ERICH1: variants seen among roughly 807,000 people sequenced by gnomAD.
ERICH1 encodes glutamate-rich protein 1.
ERICH1 carries 56 observed loss-of-function variants against 39.6 expected under a neutral mutation model. The ratio of observed to expected loss-of-function variants is 1.41; its 90% CI spans 1.14 to 1.77. The LOEUF is 1.77. Among genes scored for constraint, ERICH1 ranks in the 40% most tolerant of loss-of-function variants. The pLI, the probability that ERICH1 is intolerant of heterozygous loss-of-function variation, is 0.00. For missense variants in ERICH1, 826 were observed against 575.4 expected (o/e 1.44, Z -4.45); for synonymous variants, 313 against 223.6 (o/e 1.40, Z -3.57).
At position 688,310 on chromosome 8, in the gene ERICH1, C is replaced by CCCGGCCCCTCCGCCGCCCCGCCCCGCT; in HGVS notation, c.304+4167_304+4168insAGCGGGGCGGGGCGGCGGAGGGGCCGG. Among the ~76,000 whole-genome samples, 16 of 78,436 alleles carry CCCGGCCCCTCCGCCGCCCCGCCCCGCT rather than the reference C, an allele frequency of 2.0e-4. 1 individual carries two copies. Among genetic ancestry groups the CCCGGCCCCTCCGCCGCCCCGCCCCGCT allele is most frequent in the South Asian group, 9.7e-4 (2 of 2,066 alleles). The allele number at this position is 78,436 out of a possible 152,430, so 51.5% of individuals were successfully genotyped here. Reference sequence around the variant, plus strand: ...CGCCCCGGCCCTTCCGCCGCCCCGCCCCGGGCCACCCCACCTCGGCGCCAT... The same window carrying CCCGGCCCCTCCGCCGCCCCGCCCCGCT: ...CGCCCCGGCCCTTCCGCCGCCCCGCCCCGGCCCCTCCGCCGCCCCGCCCCGCTCCGGGCCACCCCACCTCGGCGCCAT... On this transcript the variant is annotated intron_variant, in intron 3 of 5. Transcript: ENST00000262109.
chr8:635,800 G>A (rs1293803204), intron 3 of ERICH1, among the ~76,000 whole-genome samples: 1 of 152,098 alleles, frequency 6.6e-6, no homozygotes, highest in Non-Finnish European at 1.5e-5. Context: ...TGGTCCACAT[G>A]CGTGCTGCAC....
intron 3 of ERICH1, among the ~76,000 whole-genome samples, chr8:631,225 T>C (rs189137076): frequency 4.9e-4 from 75 of 152,372 alleles, no homozygotes; most frequent in Admixed American, 1.8e-3. Flanking sequence ...TCCTCTGCTG[T>C]GTTTAATGCC....
intron 3 of ERICH1, among the ~76,000 whole-genome samples, chr8:629,670 G>T (rs866437286): frequency 8.8e-5 from 8 of 91,360 alleles, no homozygotes; most frequent in African/African-American, 2.5e-4. Context: ...ACCACCCACA[G>T]AGACAGAGCT....
chr8:643,729 G>T (rs1799279830), intron 3 of ERICH1, among the ~76,000 whole-genome samples: 1 of 152,256 alleles, frequency 6.6e-6, no homozygotes, highest in African/African-American at 2.4e-5. Flanking sequence ...GTGGGATGTG[G>T]CGTCAGGCAT....
At chr8:636,870 T>C (rs1046716308) in intron 3 of ERICH1, among the ~76,000 whole-genome samples, 16 of 152,224 alleles carry the variant, frequency 1.1e-4, no homozygotes, top group African/African-American at 3.9e-4. Context: ...AGTCACCTTC[T>C]GAGCATTTCC....
intron 2 of ERICH1, among the ~76,000 whole-genome samples, chr8:693,892 G>A (rs773220647): frequency 2.0e-5 from 3 of 152,216 alleles, no homozygotes; most frequent in Non-Finnish European, 2.9e-5. Context: ...TAGGGGGCAG[G>A]TGCTTTTGCC....
downstream of ERICH1, among the ~76,000 whole-genome samples, chr8:661,591 A>G (rs1328292114): frequency 6.6e-6 from 1 of 152,240 alleles, no homozygotes; most frequent in South Asian, 2.1e-4. Flanking sequence ...ATTTTGCACT[A>G]TTGTAGAAGA....
At chr8:621,320 AC>A (rs1797268820) in intron 3 of ERICH1, among the ~76,000 whole-genome samples, 1 of 152,098 alleles carries the variant, frequency 6.6e-6, no homozygotes, top group Admixed American at 6.5e-5. Context: ...TAAAAAAGAC[AC>A]TCTCAAATCA....
intron 2 of ERICH1, among the ~76,000 whole-genome samples, chr8:708,711 T>TTTTTTTTTTTG (rs1585554466): frequency 7.4e-6 from 1 of 135,258 alleles, no homozygotes; most frequent in Non-Finnish European, 1.6e-5. Flanking sequence ...TTTTTTTTTT[T>TTTTTTTTTTTG]GAGACAGGGT....
chr8:674,127 C>G (rs1366530939), intron 3 of ERICH1, 80 bp from the exon 4 acceptor site: 1 of 1,441,784 alleles, frequency 6.9e-7, no homozygotes, highest in Non-Finnish European at 9.1e-7. Flanking sequence ...AATTTTCCAT[C>G]AGGATCTTGT....
At chr8:642,607 G>A (rs964106109) in intron 3 of ERICH1, among the ~76,000 whole-genome samples, 4 of 151,964 alleles carry the variant, frequency 2.6e-5, no homozygotes, top group African/African-American at 9.7e-5. Context: ...GCCTCCCAAA[G>A]TGGAAATTTT....
At chr8:697,151 G>A (rs1402576396) in intron 2 of ERICH1, among the ~76,000 whole-genome samples, 1 of 152,136 alleles carries the variant, frequency 6.6e-6, no homozygotes, top group African/African-American at 2.4e-5. Flanking sequence ...CTCTGTCTTT[G>A]AAATGAATCC....
At chr8:719,949 C>T (rs190183257) in intron 1 of ERICH1, among the ~76,000 whole-genome samples, 7 of 152,130 alleles carry the variant, frequency 4.6e-5, no homozygotes, top group Admixed American at 4.6e-4. Context: ...CTCCCATGAG[C>T]ACACAAGGCC....
chr8:674,667 C>T (rs556460481), intron 3 of ERICH1, among the ~76,000 whole-genome samples: 5 of 152,056 alleles, frequency 3.3e-5, no homozygotes, highest in Admixed American at 6.5e-5. Flanking sequence ...GGGGGGAAAC[C>T]CGTATTTCTT....
At chr8:674,712 C>T (rs1365600444) in intron 3 of ERICH1, among the ~76,000 whole-genome samples, 2 of 152,124 alleles carry the variant, frequency 1.3e-5, no homozygotes, top group African/African-American at 2.4e-5. Flanking sequence ...ACAATTTAGT[C>T]CTTTCTAAAG....
In ERICH1 at chr8:685,386, T is replaced by C. The variant is rs921465286; in HGVS notation, c.304+7092A>G. The stretch of plus-strand genomic sequence containing the variant: ...GTCAAGATGCCCAGATTTCATATTG[T>C]TCAAACACACATGCTTTACGAACAA... On this transcript the variant is annotated intron_variant, in intron 3 of 5. Transcript: ENST00000262109. Among the ~76,000 whole-genome samples the C allele has an allele frequency of 2.6e-5, 4 of 152,278 alleles. No homozygotes were observed. In the East Asian group the frequency reaches 7.7e-4, roughly 29 times the overall value.
chr8:661,265 G>A (rs1051705663), downstream of ERICH1, among the ~76,000 whole-genome samples: 4 of 152,140 alleles, frequency 2.6e-5, no homozygotes, highest in Non-Finnish European at 2.9e-5. Flanking sequence ...AAAAAGCAAA[G>A]CCCAGAACTG....
At chr8:712,766 C>G (rs1015172782) in intron 2 of ERICH1, among the ~76,000 whole-genome samples, 6 of 152,232 alleles carry the variant, frequency 3.9e-5, no homozygotes, top group African/African-American at 1.4e-4. Context: ...CAGTTGACTT[C>G]CGTGTATTAA....
chr8:655,582 C>G (rs533698063), intron 3 of ERICH1, among the ~76,000 whole-genome samples: 27 of 152,126 alleles, frequency 1.8e-4, no homozygotes, highest in African/African-American at 5.6e-4. Context: ...ACCTTCATCA[C>G]GGGGGATCAT....
Sources: gnomAD v4.1 joint callset for allele counts (sites outside exome capture counted in the v4.1 genomes callset) on GRCh38, gnomAD v4.1.1 for gene constraint, MANE v1.5 for transcripts, NCBI Gene and HGNC (gene_info 2026-07-23, HGNC 2026-07-21) for gene names.